SLC22A25: variants seen among roughly 807,000 people sequenced by gnomAD.
SLC22A25 encodes MGI:2442751, MGI:2385316, MGI:3042283, MGI:3645714, MGI:3605624, MGI:2442750.
A neutral mutation model predicts 45.9 loss-of-function variants in SLC22A25; 44 were observed. The ratio of observed to expected loss-of-function variants is 0.96; its 90% CI spans 0.75 to 1.23. SLC22A25 has a LOEUF of 1.23. Among genes scored for constraint, SLC22A25 ranks in the 50% most tolerant of loss-of-function variants. The probability of loss-of-function intolerance (pLI) is 0.00; values close to 1 mark genes in which losing one functional copy is unlikely to be tolerated. For synonymous variants in SLC22A25, 283 were observed against 238.6 expected (o/e 1.19, Z -1.72); for missense variants, 800 against 666.4 (o/e 1.20, Z -2.21).
chr11:63,164,415 C>A, intron 11 of SLC22A25, 111 bp downstream of exon 11: 1 of 958,538 alleles, frequency 1.0e-6, no homozygotes, highest in Non-Finnish European at 1.6e-6. Flanking sequence ...ATGACTATTA[C>A]ATTTGATTGT....
At chr11:63,166,299 G>T in intron 9 of SLC22A25, 41 bp from the exon 10 acceptor site, 1 of 1,605,338 alleles carries the variant, frequency 6.2e-7, no homozygotes, top group Admixed American at 1.7e-5. Context: ...ATAATCTGTG[G>T]AACCTAAATC....
At chr11:63,190,637 T>A (rs543610828) in intron 7 of SLC22A25, among the ~76,000 whole-genome samples, 24 of 151,832 alleles carry the variant, frequency 1.6e-4, no homozygotes, top group African/African-American at 5.4e-4. Context: ...TTTTAGAGTT[T>A]CCAGTTTTTT....
At chr11:63,234,800 G>A (rs553279727) in intron 3 of SLC22A25, among the ~76,000 whole-genome samples, 2 of 152,286 alleles carry the variant, frequency 1.3e-5, no homozygotes, top group African/African-American at 4.8e-5. Flanking sequence ...CATGTTTAGT[G>A]CTTCCTTCAG....
intron 7 of SLC22A25, among the ~76,000 whole-genome samples, chr11:63,200,947 C>CT (rs2089222328): frequency 6.6e-6 from 1 of 152,168 alleles, no homozygotes; most frequent in Non-Finnish European, 1.5e-5. Flanking sequence ...ATACAGCTAA[C>CT]TAAGGAGGTG....
rs1033658770 is a variant in SLC22A25, at chr11:63,158,917, C to T, written c.*4907G>A. ...CCCCTGAAGCACCCAATACCCTTCT[C>T]AGCCTCTGGTAATCATCCTTCTCTC... On this transcript the variant is annotated 3_prime_UTR_variant, in exon 12 of 12. Transcript: ENST00000306494. Among the ~76,000 whole-genome samples, 5 of 152,194 alleles carry T rather than the reference C, an allele frequency of 3.3e-5. No homozygotes were observed. The highest frequency in any genetic ancestry group is 7.3e-5 in the Non-Finnish European group (5 of 68,040).
At chr11:63,195,155 G>A (rs1368439223) in intron 7 of SLC22A25, among the ~76,000 whole-genome samples, 1 of 151,890 alleles carries the variant, frequency 6.6e-6, no homozygotes, top group African/African-American at 2.4e-5. Context: ...AATAATAATG[G>A]GAGACTTTAA....
Position 63,232,519 on chromosome 11 carries a change from T to G in SLC22A25, c.-444-2423A>C, listed in dbSNP as rs575974834. On this transcript the variant is annotated intron_variant, in intron 3 of 11. Coordinates refer to ENST00000306494, the MANE Select transcript of SLC22A25 (RefSeq NM_199352.6). ...ACTTTGCTGAAATTGGTTATCAGCT[T>G]AAGGAGATTTTGGGCTGAGACGATG... Among the ~76,000 whole-genome samples, 71 of 152,334 alleles carry G rather than the reference T, an allele frequency of 4.7e-4. 1 individual carries two copies. In the South Asian group the frequency reaches 0.014, roughly 31 times the overall value.
intron 7 of SLC22A25, among the ~76,000 whole-genome samples, chr11:63,190,072 C>G (rs1226433546): frequency 6.6e-6 from 1 of 152,090 alleles, no homozygotes; most frequent in Non-Finnish European, 1.5e-5. Context: ...TCTGTATTTC[C>G]TGAATTTGAA....
intron 1 of SLC22A25, 64 bp downstream of exon 1, chr11:63,243,369 TA>T: frequency 1.6e-6 from 1 of 624,652 alleles, no homozygotes; most frequent in South Asian, 1.7e-5. Context: ...ACCTGTTAAC[TA>T]ATGCTGGAGG....
intron 7 of SLC22A25, among the ~76,000 whole-genome samples, chr11:63,200,360 T>A (rs2089200587): frequency 6.8e-6 from 1 of 147,544 alleles, no homozygotes; most frequent in Non-Finnish European, 1.5e-5. Context: ...CATAAACAAA[T>A]CAATAAATTT....
chr11:63,190,711 A>G (rs2088776239), intron 7 of SLC22A25, among the ~76,000 whole-genome samples: 1 of 151,650 alleles, frequency 6.6e-6, no homozygotes, highest in Admixed American at 6.6e-5. Flanking sequence ...ATGGTGACTT[A>G]CAGATGGGAT....
Position 63,188,250 on chromosome 11 carries a change from A to T in SLC22A25, c.831-4433T>A, listed in dbSNP as rs544697530. 1.9e-3 allele frequency among the ~76,000 whole-genome samples: 282 copies of T among 152,282 alleles called. 2 individuals are homozygous for T. The highest frequency in any genetic ancestry group is 3.5e-3 in the Non-Finnish European group (239 of 68,020). On this transcript the variant is annotated intron_variant, in intron 7 of 11. Transcript: ENST00000306494. ...CTGTTATTGGTCTATTCAGAGATTC[A>T]ACTTCTTCCTGGTTTAGTCTTGGGA...
chr11:63,180,697 T>C lies in SLC22A25; in HGVS notation c.1033A>G (p.Asn345Asp). The C allele has an allele frequency of 6.2e-7, 1 of 1,613,124 alleles. No individual in the cohort carries two copies. Among genetic ancestry groups the C allele is most frequent in the Non-Finnish European group, 8.5e-7 (1 of 1,179,486 alleles). Residue 345 changes from asparagine to aspartate, a missense_variant, in exon 9 of 12, where the codon AAC becomes GAC. Physicochemically the swap from Asn to Asp is conservative, Grantham distance 23 (BLOSUM62 1). Coordinates refer to ENST00000306494, the MANE Select transcript of SLC22A25 (RefSeq NM_199352.6). ...AGGAAACAGATTCTTTTACATATGT[T>C]GGGTATGCGGAGCAATTCACAAAGA... Reference protein sequence around the residue: ...HSLCELLRIPNICKRICFLSF... With the variant: ...HSLCELLRIPDICKRICFLSF...
intron 10 of SLC22A25, among the ~76,000 whole-genome samples, chr11:63,165,768 C>A (rs2087658652): frequency 6.6e-6 from 1 of 152,186 alleles, no homozygotes; most frequent in South Asian, 2.1e-4. Flanking sequence ...CAATTGCTGT[C>A]CTAGAGAAAC....
rs190733953 is a variant in SLC22A25 at position 63,234,808 on chromosome 11, C to G, written c.-445+3073G>C. On this transcript the variant is annotated intron_variant, in intron 3 of 11. Coordinates refer to ENST00000306494, the MANE Select transcript of SLC22A25 (RefSeq NM_199352.6). ...TCCTTTCCATGTTTAGTGCTTCCTT[C>G]AGGAGCTCTTTTAGGGCATGCCTGG... 4.6e-3 allele frequency among the ~76,000 whole-genome samples: 707 copies of G among 152,282 alleles called. 5 individuals carry two copies. The highest frequency in any genetic ancestry group is 0.016 in the African/African-American group (677 of 41,554).
chr11:63,200,886 A>T (rs2089219825), intron 7 of SLC22A25, among the ~76,000 whole-genome samples: 1 of 152,208 alleles, frequency 6.6e-6, no homozygotes, highest in African/African-American at 2.4e-5. Context: ...GAGCCAAATA[A>T]TGAATGAACA....
intron 7 of SLC22A25, among the ~76,000 whole-genome samples, chr11:63,199,713 A>G (rs1368524662): frequency 2.0e-5 from 3 of 152,080 alleles, no homozygotes; most frequent in African/African-American, 7.2e-5. Flanking sequence ...GCTCATTAGG[A>G]TTGCAAGGCA....
At chr11:63,221,615 A>T (rs117398094) in intron 5 of SLC22A25, among the ~76,000 whole-genome samples, 1 of 151,952 alleles carries the variant, frequency 6.6e-6, no homozygotes, top group Non-Finnish European at 1.5e-5. Flanking sequence ...TTTGTTGTAC[A>T]GAAGTTTTTT....
rs150699540 is a variant in SLC22A25 at position 63,166,116 on chromosome 11, G to C, written c.1213C>G (p.Arg405Gly). Residue 405 changes from arginine (R) to glycine (G), a missense_variant, in exon 10 of 12, where the codon CGT (arginine) becomes GGT (glycine). Transcript: ENST00000306494. Reference protein sequence around the residue: ...VAPWALNHMSRRLSQMLLMFL... With the variant: ...VAPWALNHMSGRLSQMLLMFL... ...ATGAGAAGCATCTGGCTTAGTCGAC[G>C]GCTCATGTGATTCAGTGCCCAAGGT... 14 of 1,613,884 alleles carry C rather than the reference G, an allele frequency of 8.7e-6. No homozygotes were observed. The highest frequency in any genetic ancestry group is 1.2e-5 in the Non-Finnish European group (14 of 1,179,960).
Sources: allele counts gnomAD v4.1 joint callset (sites outside exome capture counted in the v4.1 genomes callset), GRCh38; gene constraint gnomAD v4.1.1; transcripts MANE v1.5; gene names NCBI Gene and HGNC (gene_info 2026-07-23, HGNC 2026-07-21).